The following CHIT1 variants were observed in gnomAD, a reference collection of about 807,000 sequenced individuals.
CHIT1 encodes the protein chitotriosidase-1.
In CHIT1, 47 loss-of-function variants were observed where a neutral mutation model predicts 52.0. That is an observed-to-expected ratio of 0.90 (90% CI 0.71 to 1.15). The LOEUF (loss-of-function observed/expected upper bound fraction) is 1.15. Ranked by LOEUF, CHIT1 falls within the 50% of genes most tolerant of loss-of-function variation. The pLI is 0.00. For missense variants in CHIT1, 569 were observed against 583.0 expected, an observed-to-expected ratio of 0.98 and a Z score of 0.25; for synonymous variants, 242 against 228.2, an observed-to-expected ratio of 1.06 and a Z score of -0.54.
chr1:203,223,360 C>G (rs1656809703), intron 5 of CHIT1, 101 bp from the exon 6 acceptor site: 2 of 1,605,592 alleles, frequency 1.2e-6, no homozygotes, highest in South Asian at 1.1e-5. Context: ...TGAGAGCTGG[C>G]CACAGGGCTG....
At chr1:203,222,718 G>T (rs1341583304) in intron 6 of CHIT1, among the ~76,000 whole-genome samples, 1 of 152,156 alleles carries the variant, frequency 6.6e-6, no homozygotes, top group Non-Finnish European at 1.5e-5. Flanking sequence ...GCCTGGGGTG[G>T]GGCCTGAGAG....
chr1:203,229,564 C>A (rs762642222), intron 1 of CHIT1, 48 bp downstream of exon 1: 3 of 1,609,978 alleles, frequency 1.9e-6, no homozygotes, highest in Non-Finnish European at 2.5e-6. Flanking sequence ...ATCCACATCC[C>A]CACCTCCCCA....
At chr1:203,221,823 G>A (rs949694058) in intron 7 of CHIT1, among the ~76,000 whole-genome samples, 25 of 152,228 alleles carry the variant, frequency 1.6e-4, no homozygotes, top group African/African-American at 4.3e-4. Flanking sequence ...CTTCCAGAAG[G>A]TCAACCAGTG....
chr1:203,217,988 G>A (rs1656599517), intron 9 of CHIT1, 123 bp from the exon 10 acceptor site: 10 of 1,537,190 alleles, frequency 6.5e-6, no homozygotes, highest in Non-Finnish European at 8.7e-6. Flanking sequence ...GTGAGTGGCT[G>A]TAGATTCTGG....
rs1400481222 is a variant in CHIT1 at position 203,225,829 on chromosome 1, G to A, written c.97C>T (p.Gln33Ter). Residue 33 changes from glutamine to a stop codon, truncating the protein, a stop_gained, in exon 3 of 11, where the codon CAG (glutamine) becomes TAG (stop). Coordinates refer to ENST00000367229, the MANE Select transcript of CHIT1 (RefSeq NM_003465.3). LOFTEE classifies it high-confidence loss of function. Reference protein sequence around the residue: ...KLVCYFTNWAQYRQGEARFLP... With the variant: ...KLVCYFTNWA ...AAGCGAGCCTCCCCCTGTCTGTACTGGGCCCAGTTGGTGAAGTAGCAGACC... is the reference window on the plus strand; with the variant it reads ...AAGCGAGCCTCCCCCTGTCTGTACTAGGCCCAGTTGGTGAAGTAGCAGACC... The A allele has an allele frequency of 6.2e-7, 1 of 1,614,176 alleles. No individual in the cohort carries two copies. The highest frequency in any genetic ancestry group is 8.5e-7 in the Non-Finnish European group (1 of 1,180,030).
intron 4 of CHIT1, among the ~76,000 whole-genome samples, chr1:203,224,493 G>C (rs1018174015): frequency 1.3e-5 from 2 of 152,178 alleles, no homozygotes; most frequent in Non-Finnish European, 2.9e-5. Flanking sequence ...TAGAAAGACT[G>C]TTTAGAGCTT....
chr1:203,221,802 C>T (rs1656744954), intron 7 of CHIT1, among the ~76,000 whole-genome samples: 1 of 152,142 alleles, frequency 6.6e-6, no homozygotes, highest in African/African-American at 2.4e-5. Flanking sequence ...AGCTCCTGTC[C>T]CTGAAAGGAC....
intron 7 of CHIT1, among the ~76,000 whole-genome samples, chr1:203,221,110 C>G (rs1343039735): frequency 6.6e-6 from 1 of 152,144 alleles, no homozygotes; most frequent in African/African-American, 2.4e-5. Flanking sequence ...CTCACTGGCT[C>G]AAAGAGGTGC....
At chr1:203,228,917 A>G (rs955885094) in intron 1 of CHIT1, among the ~76,000 whole-genome samples, 1 of 152,224 alleles carries the variant, frequency 6.6e-6, no homozygotes, top group Admixed American at 6.5e-5. Context: ...ACAAGAAACA[A>G]GCCTGTTTTG....
intron 10 of CHIT1, 33 bp from the exon 11 acceptor site, chr1:203,217,166 C>T (rs765236339): frequency 1.3e-6 from 2 of 1,599,536 alleles, no homozygotes; most frequent in African/African-American, 2.7e-5. Context: ...ACCAAGGCTC[C>T]CCCGAAGAGA....
Position 203,223,239 on chromosome 1 carries a change from C to T in CHIT1, c.501G>A (p.Gln167=), listed in dbSNP as rs147465832. Residue 167 remains glutamine (Q), a synonymous_variant, in exon 6 of 11, where the codon CAG becomes CAA. Transcript: ENST00000367229. ...CCTTCCCTGAGGTCTGGGCTTCCTG[C>T]TGGAAGGCATTGGCCAAGTCCTGTG... is the stretch of plus-strand genomic sequence containing the variant. The part of the protein sequence containing the change: ...TLVQDLANAF[Q]QEAQTSGKER... 1.0e-4 allele frequency: 169 copies of T among 1,614,220 alleles called. No homozygotes were observed. In the African/African-American group the frequency reaches 2.1e-3, roughly 20 times the overall value.
Position 203,217,129 on chromosome 1 carries a change from A to G in CHIT1, c.1161T>C (p.Leu387=), listed in dbSNP as rs73066400. 7.1e-4 allele frequency: 1,142 copies of G among 1,603,650 alleles called. 10 individuals carry two copies. In the African/African-American group the frequency reaches 0.013, roughly 19 times the overall value. Residue 387 remains leucine (L), a synonymous_variant, in exon 11 of 11, where the codon CTT becomes CTC. Transcript: ENST00000367229. Reference sequence around the variant, plus strand: ...CTGGGGTGCCTGAAGGCAAGTATGGAAGACCTGGGAAGACAGTGAAGATTC... The same window carrying G: ...CTGGGGTGCCTGAAGGCAAGTATGGGAGACCTGGGAAGACAGTGAAGATTC... The part of the protein sequence containing the change: ...LIQTLRQELS[L]PYLPSGTPEL...
At chr1:203,227,588 C>A (rs1404569034) in intron 2 of CHIT1, among the ~76,000 whole-genome samples, 1 of 152,220 alleles carries the variant, frequency 6.6e-6, no homozygotes, top group South Asian at 2.1e-4. Flanking sequence ...GGACCTTCCA[C>A]AATGTGTGTC....
intron 2 of CHIT1, among the ~76,000 whole-genome samples, chr1:203,227,411 G>A (rs1487515751): frequency 6.6e-6 from 1 of 152,232 alleles, no homozygotes; most frequent in East Asian, 1.9e-4. Flanking sequence ...ATCATGTCAT[G>A]CTGTCGCATA....
At chr1:203,219,604 C>T (rs1258173645) in intron 8 of CHIT1, 60 bp downstream of exon 8, 20 of 1,587,188 alleles carry the variant, frequency 1.3e-5, no homozygotes, top group Admixed American at 3.3e-5. Flanking sequence ...AAGGAAACCT[C>T]TGTTCTCTCA....
chr1:203,229,645 T>C lies in CHIT1; in HGVS notation c.-9A>G. 1 of 1,613,772 alleles carries C rather than the reference T, an allele frequency of 6.2e-7. No homozygotes were observed. The highest frequency in any genetic ancestry group is 8.5e-7 in the Non-Finnish European group (1 of 1,179,860). ...GCCACAGACCGCACCATGATGCAGC[T>C]CAGCGGCAGGCTGCAGCCCATACAA... On this transcript the variant is annotated 5_prime_UTR_variant, in exon 1 of 11. Transcript: ENST00000367229.
At chr1:203,229,462 A>C (rs1657052727) in intron 1 of CHIT1, 150 bp downstream of exon 1, 1 of 841,988 alleles carries the variant, frequency 1.2e-6, no homozygotes. Context: ...AGGGACTGCA[A>C]GCCAGGAGGC....
intron 6 of CHIT1, among the ~76,000 whole-genome samples, chr1:203,222,811 C>G (rs1258822679): frequency 6.6e-6 from 1 of 152,088 alleles, no homozygotes. Context: ...TCCAGAAAAC[C>G]CATTTTCTTG....
chr1:203,216,933 C>T lies in CHIT1; in HGVS notation c.1357G>A (p.Gly453Ser), dbSNP rs1302024185. 4.3e-6 allele frequency: 7 copies of T among 1,614,120 alleles called. No homozygotes were observed. In the South Asian group the frequency reaches 6.6e-5, roughly 15 times the overall value. Residue 453 changes from glycine to serine, a missense_variant, in exon 11 of 11, where the codon GGC becomes AGC. By Grantham distance (56) the Gly-to-Ser change is moderately conservative (BLOSUM62 0). Transcript: ENST00000367229. ...GRLFQQSCPT[G>S]LVFSNSCKCC... ...TTGCAGGAGTTGCTGAACACCAGGC[C>T]TGTCGGGCAGCTTTGCTGGAACAGC...
Sources: allele counts gnomAD v4.1 joint callset (sites outside exome capture counted in the v4.1 genomes callset), GRCh38; gene constraint gnomAD v4.1.1; transcripts MANE v1.5; gene names NCBI Gene and HGNC (gene_info 2026-07-23, HGNC 2026-07-21).